The following COL19A1 variants were observed in gnomAD, a reference collection of about 807,000 sequenced individuals.
The protein encoded by COL19A1 is collagen type XIX alpha 1 chain, also known as collagen alpha-1(XIX) chain.
A neutral mutation model predicts 190.2 loss-of-function variants in COL19A1; 159 were observed. The ratio of observed to expected loss-of-function variants is 0.84; its 90% confidence interval spans 0.73 to 0.95. The LOEUF (loss-of-function observed/expected upper bound fraction) is 0.95, where lower values mean the gene tolerates loss of function less well. Ranked by LOEUF, COL19A1 falls within the 40% of genes least tolerant of loss-of-function variation. The probability of loss-of-function intolerance (pLI) is 0.00; values close to 1 mark genes in which losing one functional copy is unlikely to be tolerated. For missense variants in COL19A1, 1,418 were observed against 1,431.9 expected (o/e 0.99, Z 0.16); for synonymous variants, 509 against 458.9 (o/e 1.11, Z -1.39).
At position 70,023,645 on chromosome 6, in the gene COL19A1, G is replaced by T. The variant is rs779013876; in HGVS notation, c.1045G>T (p.Gly349Ter). 18 of 1,610,568 alleles carry T rather than the reference G, an allele frequency of 1.1e-5. No homozygotes were observed. In the South Asian group the frequency reaches 1.8e-4, roughly 16 times the overall value. ...TTTTTAGGGTGAACAAGGAGAAAAA[G>T]GAGATCCAGCTCTGGCTGGCCTTAA... ...TGEKGEQGEK[G>*]DPALAGLNGE... is the part of the protein sequence containing the mutation. Residue 349 changes from glycine (G) to a stop codon, truncating the protein, a stop_gained, in exon 12 of 51, where the codon GGA (glycine) becomes TGA (stop). Transcript: ENST00000620364. LOFTEE classifies it high-confidence loss of function.
intron 31 of COL19A1, 119 bp from the exon 32 acceptor site, chr6:70,156,008 A>G (rs1363568583): frequency 1.1e-5 from 8 of 720,386 alleles, no homozygotes; most frequent in African/African-American, 1.8e-5. Flanking sequence ...TGAAAGCAGA[A>G]TGACCTATCT....
At chr6:69,997,363 G>A in intron 11 of COL19A1, among the ~76,000 whole-genome samples, 1 of 152,218 alleles carries the variant, frequency 6.6e-6, no homozygotes, top group East Asian at 1.9e-4. Flanking sequence ...TGGGCCGGAT[G>A]TGGTGGCTCA....
At chr6:69,914,783 T>G (rs1374679858) in intron 4 of COL19A1, among the ~76,000 whole-genome samples, 4 of 152,214 alleles carry the variant, frequency 2.6e-5, no homozygotes, top group Admixed American at 6.5e-5. Flanking sequence ...AATCAGTAAT[T>G]AAACTTTTTA....
chr6:70,113,714 C>T (rs111228334), intron 16 of COL19A1, among the ~76,000 whole-genome samples: 3 of 151,296 alleles, frequency 2.0e-5, no homozygotes, highest in African/African-American at 7.4e-5. Flanking sequence ...TTCTCCTGCT[C>T]TCTTTCTAGT....
At chr6:70,159,109 A>C (rs181048083) in intron 34 of COL19A1, among the ~76,000 whole-genome samples, 2 of 151,960 alleles carry the variant, frequency 1.3e-5, no homozygotes, top group African/African-American at 4.8e-5. Flanking sequence ...AACTCACTCA[A>C]CATCTCTGGA....
intron 16 of COL19A1, among the ~76,000 whole-genome samples, chr6:70,118,447 T>G (rs1442061182): frequency 6.6e-6 from 1 of 152,172 alleles, no homozygotes; most frequent in Non-Finnish European, 1.5e-5. Flanking sequence ...CTCTTTCTAG[T>G]CTCTGAAGGG....
At chr6:70,092,643 C>G (rs1290544809) in intron 15 of COL19A1, among the ~76,000 whole-genome samples, 4 of 152,142 alleles carry the variant, frequency 2.6e-5, no homozygotes, top group African/African-American at 9.7e-5. Context: ...TTCCACCTCA[C>G]TGATCCTCTA....
Position 70,137,689 on chromosome 6 carries a change from A to T in COL19A1, c.1388A>T (p.Glu463Val), listed in dbSNP as rs1785953965. The change falls in exon 19 of 51, where the codon GAA becomes GTA. Residue 463 changes from glutamate (E) to valine (V), a missense_variant. Transcript: ENST00000620364. ...EAGGLKGDKGETGLPGFPGSV... is the reference protein window; with the variant it reads ...EAGGLKGDKGVTGLPGFPGSV... The stretch of plus-strand genomic sequence containing the variant: ...TCTTCTGCTTTGTCTTGAAAGGGTG[A>T]AACTGGACTACCAGGATTTCCAGGG... The T allele has an allele frequency of 6.2e-7, 1 of 1,613,196 alleles. No individual in the cohort carries two copies. Among genetic ancestry groups the T allele is most frequent in the Non-Finnish European group, 8.5e-7 (1 of 1,179,420 alleles).
At chr6:70,130,782 T>A (rs3806036) in intron 18 of COL19A1, among the ~76,000 whole-genome samples, 28,905 of 152,214 alleles carry the variant, frequency 0.19, 3,285 homozygotes, top group Non-Finnish European at 0.26. Context: ...TGTAATAAGA[T>A]AAATGAAATC....
chr6:70,054,089 G>A (rs550367739), intron 14 of COL19A1, among the ~76,000 whole-genome samples: 2 of 152,248 alleles, frequency 1.3e-5, no homozygotes, highest in East Asian at 3.9e-4. Context: ...AGTGGCTCAC[G>A]CCTTAATCCC....
At chr6:70,018,098 G>A (rs774952524) in intron 11 of COL19A1, among the ~76,000 whole-genome samples, 8 of 152,114 alleles carry the variant, frequency 5.3e-5, no homozygotes, top group African/African-American at 1.4e-4. Context: ...GGGAGAAAAG[G>A]CTGAAGATTC....
chr6:70,186,987 C>T (rs993942552), intron 46 of COL19A1, among the ~76,000 whole-genome samples: 7 of 152,188 alleles, frequency 4.6e-5, no homozygotes, highest in African/African-American at 1.4e-4. Flanking sequence ...AAGCGATTCT[C>T]CTGCCTCAGC....
Position 70,145,006 on chromosome 6 carries a change from C to G in COL19A1, c.1769C>G (p.Pro590Arg), listed in dbSNP as rs376948239. The G allele has an allele frequency of 6.3e-7, 1 of 1,577,896 alleles. No homozygotes were observed. Among genetic ancestry groups the G allele is most frequent in the Non-Finnish European group, 8.6e-7 (1 of 1,160,084 alleles). Reference sequence around the variant, plus strand: ...CCAGGGAAAAGCCTGCCAGGGGAACCAGTAAGTATTAGCCCTTTTGTTAAT... The same window carrying G: ...CCAGGGAAAAGCCTGCCAGGGGAACGAGTAAGTATTAGCCCTTTTGTTAAT... ...GPPGKSLPGE[P>R]GLDGNPGAPG... Residue 590 changes from proline (P) to arginine (R), a missense_variant and splice_region_variant, in exon 25 of 51, where the codon CCA becomes CGA. Pro to Arg is a moderately radical substitution (Grantham distance 103, BLOSUM62 -2). Transcript: ENST00000620364.
At chr6:70,141,156 G>T (rs111684790) in intron 20 of COL19A1, among the ~76,000 whole-genome samples, 167 bp downstream of exon 20, 5 of 152,090 alleles carry the variant, frequency 3.3e-5, no homozygotes, top group African/African-American at 1.2e-4. Context: ...TGATAAATAA[G>T]AAATTTTAAG....
Position 70,210,157 on chromosome 6 carries a change from C to T in COL19A1, c.*2883C>T, listed in dbSNP as rs9346371. On this transcript the variant is annotated 3_prime_UTR_variant, in exon 51 of 51. Coordinates refer to ENST00000620364, the MANE Select transcript of COL19A1 (RefSeq NM_001858.6). ...AATACAAAATAATTATGGGCCATGA[C>T]GACGATTAATATTAAAACTGTGATT... is the stretch of plus-strand genomic sequence containing the variant. 0.23 allele frequency among the ~76,000 whole-genome samples: 35,470 copies of T among 152,006 alleles called. 5,001 individuals carry two copies. The highest frequency in any genetic ancestry group is 0.43 in the East Asian group (2,207 of 5,172).
At chr6:70,182,945 G>A (rs1040439380) in intron 44 of COL19A1, among the ~76,000 whole-genome samples, 3 of 152,074 alleles carry the variant, frequency 2.0e-5, no homozygotes, top group Non-Finnish European at 4.4e-5. Context: ...CCAAAGTTGG[G>A]GTGCAAATCC....
chr6:70,165,866 T>C, intron 36 of COL19A1, 75 bp from the exon 37 acceptor site: 1 of 1,340,780 alleles, frequency 7.5e-7, no homozygotes, highest in Non-Finnish European at 1.1e-6. Context: ...GGCTCTGTGA[T>C]TAATTTCAGA....
intron 14 of COL19A1, among the ~76,000 whole-genome samples, chr6:70,054,219 G>T (rs1466316532): frequency 6.6e-6 from 1 of 152,148 alleles, no homozygotes; most frequent in East Asian, 1.9e-4. Flanking sequence ...GTGTGATGGT[G>T]GGCATCTGTA....
chr6:70,082,202 G>C (rs551864823), intron 15 of COL19A1, among the ~76,000 whole-genome samples: 115 of 152,218 alleles, frequency 7.6e-4, no homozygotes, highest in African/African-American at 2.7e-3. Context: ...TTTATAGGGT[G>C]ATTTGCTTTA....
Sources: allele counts gnomAD v4.1 joint callset (sites outside exome capture counted in the v4.1 genomes callset), GRCh38; gene constraint gnomAD v4.1.1; transcripts MANE v1.5; gene names NCBI Gene and HGNC (gene_info 2026-07-23, HGNC 2026-07-21).